The following DCAF17 variants were observed in gnomAD, a reference collection of about 807,000 sequenced individuals.
DCAF17 encodes DDB1 and CUL4 associated factor 17, also known as DDB1- and CUL4-associated factor 17.
In DCAF17, 48 loss-of-function variants were observed where a neutral mutation model predicts 66.0. The observed-to-expected ratio is 0.73, with a 90% CI of 0.58 to 0.92. DCAF17 has a LOEUF of 0.92. Among genes scored for constraint, DCAF17 ranks in the 40% least tolerant of loss-of-function variants. DCAF17 has a pLI of 0.00. For synonymous variants in DCAF17, 206 were observed against 214.6 expected, an observed-to-expected ratio of 0.96 and a Z score of 0.35; for missense variants, 562 against 622.8, an observed-to-expected ratio of 0.90 and a Z score of 1.04.
Position 171,481,584 on chromosome 2 carries a change from G to T in DCAF17, c.*470G>T. 2 of 454,020 alleles carry T rather than the reference G, an allele frequency of 4.4e-6. No individual in the cohort carries two copies. The highest frequency in any genetic ancestry group is 3.1e-5 in the South Asian group (2 of 64,470). 28.1% of individuals were successfully genotyped at this position (454,020 alleles called of 1,614,324 possible). A position where few individuals can be genotyped will look rare whatever the true frequency, so the allele number is the denominator to read the frequency against. ...TGCTTAAGGATGAGAAATGAGATGTGTTATGTGAGAACATTATTTTGAGCC... is the reference window on the plus strand; with the variant it reads ...TGCTTAAGGATGAGAAATGAGATGTTTTATGTGAGAACATTATTTTGAGCC... On this transcript the variant is annotated 3_prime_UTR_variant, in exon 14 of 14. Transcript: ENST00000375255.
At chr2:171,440,457 C>A (rs1004782221) in intron 2 of DCAF17, among the ~76,000 whole-genome samples, 1 of 152,086 alleles carries the variant, frequency 6.6e-6, no homozygotes, top group Non-Finnish European at 1.5e-5. Context: ...CACCTGTAGT[C>A]CCAGCTACCA....
At chr2:171,471,036 A>G (rs1696217557) in intron 9 of DCAF17, among the ~76,000 whole-genome samples, 2 of 152,228 alleles carry the variant, frequency 1.3e-5, no homozygotes. Flanking sequence ...GTGGTTTCCA[A>G]GGAATTACTT....
intron 10 of DCAF17, 161 bp downstream of exon 10, chr2:171,474,136 T>G: frequency 1.5e-6 from 1 of 662,814 alleles, no homozygotes; most frequent in South Asian, 1.7e-5. Context: ...CTGAATTTAT[T>G]CTTTGAGACT....
chr2:171,442,741 G>C (rs894146159), intron 2 of DCAF17, among the ~76,000 whole-genome samples: 1 of 151,604 alleles, frequency 6.6e-6, no homozygotes, highest in African/African-American at 2.4e-5. Context: ...TTAGCTAAGC[G>C]TAGTAGCATG....
intron 9 of DCAF17, among the ~76,000 whole-genome samples, chr2:171,470,429 A>G (rs945920534): frequency 3.3e-5 from 5 of 152,174 alleles, no homozygotes; most frequent in Non-Finnish European, 7.3e-5. Context: ...GCAGGTCAGC[A>G]TAGCGTTGGG....
At chr2:171,466,838 A>G (rs1422001816) in intron 8 of DCAF17, among the ~76,000 whole-genome samples, 1 of 151,416 alleles carries the variant, frequency 6.6e-6, no homozygotes, top group Non-Finnish European at 1.5e-5. Context: ...TTTCAACCCC[A>G]AATTCCAACT....
At chr2:171,451,659 T>C (rs1280780091) in intron 5 of DCAF17, among the ~76,000 whole-genome samples, 1 of 152,126 alleles carries the variant, frequency 6.6e-6, no homozygotes, top group African/African-American at 2.4e-5. Flanking sequence ...CACTGCATCC[T>C]CTGCCTCCCA....
rs1198985687 is a variant in DCAF17 at position 171,480,080 on chromosome 2, T to G, written c.1309T>G (p.Ser437Ala). Residue 437 changes from serine to alanine, a missense_variant, in exon 13 of 14, where the codon TCT becomes GCT. Around this residue, in one of 3 missense-constraint regions of DCAF17, gnomAD observed 201 missense variants for 231.1 expected, o/e 0.87. Coordinates refer to ENST00000375255, the MANE Select transcript of DCAF17 (RefSeq NM_025000.4). Reference protein sequence around the residue: ...VDYEDELDLLSVVAVTQIDAE... With the variant: ...VDYEDELDLLAVVAVTQIDAE... ...CTATGAAGATGAGTTAGATTTGCTT[T>G]CTGTGGTAGCTGTTACTCAAATAGA... The G allele has an allele frequency of 2.5e-6, 4 of 1,613,722 alleles. No homozygotes were observed. The highest frequency in any genetic ancestry group is 3.4e-6 in the Non-Finnish European group (4 of 1,179,768).
chr2:171,463,283 A>C (rs1301309874), intron 8 of DCAF17, among the ~76,000 whole-genome samples: 1 of 151,592 alleles, frequency 6.6e-6, no homozygotes, highest in Non-Finnish European at 1.5e-5. Flanking sequence ...GATAATTTCC[A>C]GGATGTGTAC....
In DCAF17 at chr2:171,481,904, G is replaced by C. The variant is rs1325481939; in HGVS notation, c.*790G>C. On this transcript the variant is annotated 3_prime_UTR_variant, in exon 14 of 14. Coordinates refer to ENST00000375255, the MANE Select transcript of DCAF17 (RefSeq NM_025000.4). Reference sequence around the variant, plus strand: ...CTCATTTAGTGAGTTTTCTGATCTTGTTTAGGCAATATTTGCATACTTATG... The same window carrying C: ...CTCATTTAGTGAGTTTTCTGATCTTCTTTAGGCAATATTTGCATACTTATG... 5 of 453,832 alleles carry C rather than the reference G, an allele frequency of 1.1e-5. No individual in the cohort carries two copies. Among genetic ancestry groups the C allele is most frequent in the Non-Finnish European group, 2.2e-5 (5 of 226,744 alleles). 28.1% of individuals were successfully genotyped at this position (453,832 alleles called of 1,614,324 possible).
At chr2:171,436,999 C>G (rs1031361809) in intron 2 of DCAF17, among the ~76,000 whole-genome samples, 7 of 152,040 alleles carry the variant, frequency 4.6e-5, no homozygotes, top group African/African-American at 1.4e-4. Context: ...GTCTCGAACG[C>G]CCAGCTTCAG....
chr2:171,471,316 A>G (rs1182276921), intron 9 of DCAF17, among the ~76,000 whole-genome samples: 2 of 152,252 alleles, frequency 1.3e-5, no homozygotes, highest in East Asian at 3.8e-4. Flanking sequence ...AAGATTTCAG[A>G]AAATGTTTCA....
In DCAF17 at chr2:171,434,422, G is replaced by T; in HGVS notation, c.-156G>T. 7.6e-7 allele frequency: 1 copy of T among 1,308,622 alleles called. No homozygotes were observed. Among genetic ancestry groups the T allele is most frequent in the Non-Finnish European group, 1.1e-6 (1 of 945,198 alleles). 81.1% of individuals were successfully genotyped at this position (1,308,622 alleles called of 1,614,324 possible). A position where few individuals can be genotyped will look rare whatever the true frequency, so the allele number is the denominator to read the frequency against. On this transcript the variant is annotated 5_prime_UTR_variant, in exon 1 of 14. Coordinates refer to ENST00000375255, the MANE Select transcript of DCAF17 (RefSeq NM_025000.4). ...CTCTGCTTTCCCTCGCCCCGCCGTCGGGTGCTCCCTGCCCGCCTCCCCGTG... is the reference window on the plus strand; with the variant it reads ...CTCTGCTTTCCCTCGCCCCGCCGTCTGGTGCTCCCTGCCCGCCTCCCCGTG...
At chr2:171,457,867 T>C (rs150464431) in intron 6 of DCAF17, 104 bp from the exon 7 acceptor site, 19 of 920,344 alleles carry the variant, frequency 2.1e-5, no homozygotes, top group African/African-American at 1.9e-4. Flanking sequence ...GGCAGTGTTA[T>C]CATAGTGACA....
chr2:171,446,113 G>A (rs1278733317), intron 3 of DCAF17, among the ~76,000 whole-genome samples: 2 of 152,100 alleles, frequency 1.3e-5, no homozygotes, highest in African/African-American at 4.8e-5. Flanking sequence ...CTTATAGCCA[G>A]TATTTTAAGA....
Position 171,473,849 on chromosome 2 carries a change from C to CT in DCAF17, c.982-11dup. The CT allele has an allele frequency of 6.3e-7, 1 of 1,594,550 alleles. No homozygotes were observed. The highest frequency in any genetic ancestry group is 8.6e-7 in the Non-Finnish European group (1 of 1,163,318). On this transcript the variant is annotated splice_polypyrimidine_tract_variant and intron_variant, in intron 9 of 13. Coordinates refer to ENST00000375255, the MANE Select transcript of DCAF17 (RefSeq NM_025000.4). The stretch of plus-strand genomic sequence containing the variant: ...TTTCCCTTAATCTTTGTCTTTAATA[C>CT]TTTTTTCCAACTTCAGGCAAAAAAT...
At chr2:171,438,746 T>TC (rs1024629363) in intron 2 of DCAF17, among the ~76,000 whole-genome samples, 11 of 151,710 alleles carry the variant, frequency 7.3e-5, no homozygotes, top group South Asian at 2.1e-4. Context: ...CCTTTTTTTT[T>TC]CCCCCCCAAA....
intron 3 of DCAF17, among the ~76,000 whole-genome samples, chr2:171,445,314 G>A (rs1292846652): frequency 1.3e-5 from 2 of 151,944 alleles, no homozygotes; most frequent in African/African-American, 2.4e-5. Context: ...TAGTAGACAC[G>A]GGGTTTCACC....
intron 6 of DCAF17, among the ~76,000 whole-genome samples, chr2:171,456,636 T>G (rs1695276665): frequency 6.6e-6 from 1 of 152,246 alleles, no homozygotes; most frequent in South Asian, 2.1e-4. Context: ...ACCATGAACA[T>G]GGAGTGTTTT....
Sources: gnomAD v4.1 joint callset for allele counts (sites outside exome capture counted in the v4.1 genomes callset) on GRCh38, gnomAD v4.1.1 for gene constraint, gnomAD v4.1.1 regional missense constraint, MANE v1.5 for transcripts, NCBI Gene and HGNC (gene_info 2026-07-23, HGNC 2026-07-21) for gene names.